Variants in TBC1D30 observed in about 807,000 individuals in gnomAD.
TBC1D30 encodes the protein TBC1 domain family, member 30.
In TBC1D30, 31 loss-of-function variants were observed where a neutral mutation model predicts 63.2. That is an observed-to-expected ratio of 0.49 (90% CI 0.37 to 0.66). The LOEUF is 0.66. Among genes scored for constraint, TBC1D30 ranks in the 30% least tolerant of loss-of-function variants. The pLI, the probability that TBC1D30 is intolerant of heterozygous loss-of-function variation, is 0.00. For synonymous variants in TBC1D30, 307 were observed against 361.5 expected, an observed-to-expected ratio of 0.85 and a Z score of 1.71; for missense variants, 810 against 953.6, an observed-to-expected ratio of 0.85 and a Z score of 1.98.
In TBC1D30 at chr12:64,864,754, C is replaced by G. The variant is rs749563540; in HGVS notation, c.1125C>G (p.Ala375=). 2.0e-6 allele frequency: 3 copies of G among 1,535,974 alleles called. No homozygotes were observed. In the Admixed American group the frequency reaches 5.9e-5, roughly 30 times the overall value. The change falls in exon 9 of 12, where the codon GCC becomes GCG. Residue 375 remains alanine (A), a synonymous_variant. Coordinates refer to ENST00000539867, the MANE Select transcript of TBC1D30 (RefSeq NM_015279.2). ...CCTACAACATTACACCGTTCCCAGCCACAGTTAAACCCACCTCAGTTTCTG... is the reference window on the plus strand; with the variant it reads ...CCTACAACATTACACCGTTCCCAGCGACAGTTAAACCCACCTCAGTTTCTG... ...KYTYNITPFP[A]TVKPTSVSGR... is the part of the protein sequence containing the mutation.
intron 1 of TBC1D30, among the ~76,000 whole-genome samples, chr12:64,827,042 A>G (rs182272328): frequency 7.9e-5 from 12 of 152,352 alleles, no homozygotes; most frequent in Admixed American, 5.9e-4. Flanking sequence ...CTAATCTACA[A>G]TCAACAATCT....
intron 2 of TBC1D30, among the ~76,000 whole-genome samples, chr12:64,793,203 C>T (rs1028453650): frequency 6.6e-6 from 1 of 152,016 alleles, no homozygotes; most frequent in East Asian, 1.9e-4. Flanking sequence ...ATTCGCTGGG[C>T]GTTGTGGCAT....
At chr12:64,870,851 A>G (rs1018812405) in intron 11 of TBC1D30, 43 bp downstream of exon 11, 2 of 1,525,266 alleles carry the variant, frequency 1.3e-6, no homozygotes, top group Non-Finnish European at 1.8e-6. Context: ...CTCTATCTCA[A>G]CTTGTAAAAT....
At chr12:64,800,475 G>A (rs1046650467) in intron 2 of TBC1D30, among the ~76,000 whole-genome samples, 3 of 152,158 alleles carry the variant, frequency 2.0e-5, no homozygotes, top group African/African-American at 7.2e-5. Flanking sequence ...GATGGGCCCT[G>A]GGAAAGGGGC....
At chr12:64,790,085 G>C (rs1871833941) in intron 2 of TBC1D30, among the ~76,000 whole-genome samples, 1 of 152,082 alleles carries the variant, frequency 6.6e-6, no homozygotes, top group East Asian at 1.9e-4. Context: ...GACATAAGAG[G>C]GTTCTACTTT....
rs138482483 is a variant in TBC1D30 at position 64,834,612 on chromosome 12, G to T, written c.595-1878G>T. Among the ~76,000 whole-genome samples, 1,161 of 150,520 alleles carry T rather than the reference G, an allele frequency of 7.7e-3. 20 individuals are homozygous for T. The highest frequency in any genetic ancestry group is 0.026 in the African/African-American group (1,082 of 40,994). On this transcript the variant is annotated intron_variant, in intron 5 of 11. Coordinates refer to ENST00000539867, the MANE Select transcript of TBC1D30 (RefSeq NM_015279.2). ...AGTAGAGATGGGGTTTCACCATGTT[G>T]ACCAGGCTGGTCTCAAACTCCTGAC...
At chr12:64,817,274 C>T (rs1156892345) in intron 2 of TBC1D30, among the ~76,000 whole-genome samples, 1 of 152,200 alleles carries the variant, frequency 6.6e-6, no homozygotes, top group Non-Finnish European at 1.5e-5. Flanking sequence ...AATCAAAGGA[C>T]AGTATTGAGC....
In TBC1D30 at chr12:64,876,937, T is replaced by A. The variant is rs1350917347; in HGVS notation, c.*1149T>A. 1 of 455,894 alleles carries A rather than the reference T, an allele frequency of 2.2e-6. No individual in the cohort carries two copies. Among genetic ancestry groups the A allele is most frequent in the Non-Finnish European group, 4.4e-6 (1 of 226,792 alleles). The allele number at this position is 455,894 out of a possible 1,614,324, so 28.2% of individuals were successfully genotyped here. On this transcript the variant is annotated 3_prime_UTR_variant, in exon 12 of 12. Transcript: ENST00000539867. ...GAAGTAGCACTTCAGTTACTCAAGG[T>A]CAGTACTCTCGGTATTCCAAGTGAC...
intron 1 of TBC1D30, among the ~76,000 whole-genome samples, chr12:64,785,201 G>T (rs1458733283): frequency 6.7e-6 from 1 of 150,292 alleles, no homozygotes; most frequent in African/African-American, 2.5e-5. Context: ...GCCCAGGCTG[G>T]AGTGCAATGG....
At position 64,824,840 on chromosome 12, in the gene TBC1D30, A is replaced by G; in HGVS notation, c.-40A>G. The G allele has an allele frequency of 6.6e-7, 1 of 1,526,226 alleles. No individual in the cohort carries two copies. Among genetic ancestry groups the G allele is most frequent in the Non-Finnish European group, 8.8e-7 (1 of 1,142,130 alleles). 94.5% of individuals were successfully genotyped at this position (1,526,226 alleles called of 1,614,324 possible). On this transcript the variant is annotated 5_prime_UTR_variant, in exon 1 of 12. Transcript: ENST00000539867. ...TCAGCGAGTGGGGTAGCGGGGACCG[A>G]GACGGACGGTAGCCGTGCCAGAGCC...
At chr12:64,819,945 C>T (rs2136343606), upstream of TBC1D30, among the ~76,000 whole-genome samples, 1 of 152,234 alleles carries the variant, frequency 6.6e-6, no homozygotes, top group East Asian at 1.9e-4. Context: ...ATCTGGTGGT[C>T]TGATGAGATC....
chr12:64,869,974 T>C (rs1485611666), intron 10 of TBC1D30, among the ~76,000 whole-genome samples: 1 of 152,214 alleles, frequency 6.6e-6, no homozygotes, highest in Non-Finnish European at 1.5e-5. Flanking sequence ...TTTCTCTTTT[T>C]TGGAGGTCAT....
intron 2 of TBC1D30, among the ~76,000 whole-genome samples, chr12:64,817,465 C>T (rs963398929): frequency 1.3e-5 from 2 of 152,212 alleles, no homozygotes; most frequent in African/African-American, 2.4e-5. Flanking sequence ...CCTGGAGGGT[C>T]TCACCAGGGG....
At chr12:64,821,479 T>C (rs1481801001), upstream of TBC1D30, among the ~76,000 whole-genome samples, 3 of 152,192 alleles carry the variant, frequency 2.0e-5, no homozygotes, top group Non-Finnish European at 4.4e-5. Context: ...CTTGTTAAAA[T>C]AGAACACAAA....
chr12:64,870,595 AGC>A lies in TBC1D30; in HGVS notation c.1292-4_1292-3del. 6.5e-7 allele frequency: 1 copy of A among 1,535,984 alleles called. No homozygotes were observed. The highest frequency in any genetic ancestry group is 8.7e-7 in the Non-Finnish European group (1 of 1,146,726). On this transcript the variant is annotated splice_polypyrimidine_tract_variant and splice_region_variant and intron_variant, in intron 10 of 11. Coordinates refer to ENST00000539867, the MANE Select transcript of TBC1D30 (RefSeq NM_015279.2). ...CCATCTCCTTATGTCTCATCCTTCGAGCGCAGAGCCAAATGAGGAGCAGAGTC... is the reference window on the plus strand; with the variant it reads ...CCATCTCCTTATGTCTCATCCTTCGAGCAGAGCCAAATGAGGAGCAGAGTC...
chr12:64,802,353 G>A (rs547800884), intron 2 of TBC1D30, among the ~76,000 whole-genome samples: 3 of 152,210 alleles, frequency 2.0e-5, no homozygotes, highest in African/African-American at 2.4e-5. Flanking sequence ...GGGTGGAGAC[G>A]AAAAGGGTCG....
intron 2 of TBC1D30, among the ~76,000 whole-genome samples, chr12:64,807,173 TAGTG>T (rs1244004920): frequency 6.6e-6 from 1 of 152,216 alleles, no homozygotes; most frequent in African/African-American, 2.4e-5. Context: ...GTTCTTATGA[TAGTG>T]AGTTCTCACA....
At chr12:64,841,480 T>C (rs1455831488) in intron 7 of TBC1D30, among the ~76,000 whole-genome samples, 1 of 152,148 alleles carries the variant, frequency 6.6e-6, no homozygotes, top group Non-Finnish European at 1.5e-5. Context: ...CAGGCAGACC[T>C]TGCCAAGGGC....
chr12:64,785,837 C>G, intron 1 of TBC1D30: 4 of 1,255,306 alleles, frequency 3.2e-6, no homozygotes, highest in Non-Finnish European at 4.2e-6. Flanking sequence ...ATTTGTATTC[C>G]TCTCAAGGTA....
Sources: gnomAD v4.1 joint callset for allele counts (sites outside exome capture counted in the v4.1 genomes callset) on GRCh38, gnomAD v4.1.1 for gene constraint, MANE v1.5 for transcripts, NCBI Gene and HGNC (gene_info 2026-07-23, HGNC 2026-07-21) for gene names.